Variants in HLCS observed in about 807,000 individuals in gnomAD.
HLCS encodes holocarboxylase synthetase.
Under a neutral mutation model 75.0 loss-of-function variants are expected in HLCS, and 53 were observed. That is an observed-to-expected ratio of 0.71 (90% CI 0.57 to 0.89). The LOEUF (loss-of-function observed/expected upper bound fraction) is 0.89. HLCS is among the 40% of genes least tolerant of loss of function. HLCS has a pLI of 0.00. For missense variants in HLCS, 966 were observed against 1,074.0 expected, an observed-to-expected ratio of 0.90 and a Z score of 1.41; for synonymous variants, 431 against 428.6, an observed-to-expected ratio of 1.01 and a Z score of -0.07.
rs1010404060 is a variant in HLCS at position 36,871,963 on chromosome 21, T to C, written c.1892+24897A>G. On this transcript the variant is annotated intron_variant, in intron 6 of 10. Coordinates refer to ENST00000674895, the MANE Select transcript of HLCS (RefSeq NM_001352514.2). ...TACAACTGCACACCCACCAGACCAG[T>C]TGAAAGTAAAAGACTGACCACACCA... Among the ~76,000 whole-genome samples the C allele has an allele frequency of 1.4e-4, 22 of 152,240 alleles. No homozygotes were observed. The South Asian group carries it at 2.3e-3, about 16-fold the overall frequency.
At position 36,937,154 on chromosome 21, in the gene HLCS, C is replaced by T; in HGVS notation, c.732G>A (p.Glu244=). The T allele has an allele frequency of 1.2e-6, 2 of 1,614,184 alleles. No individual in the cohort carries two copies. Among genetic ancestry groups the T allele is most frequent in the Non-Finnish European group, 1.7e-6 (2 of 1,180,036 alleles). ...GDSDRGGGPV[E]HYHLHLSSCH... ...AACTAGACAGATGGAGGTGATAATG[C>T]TCAACGGGGCCCCCTCCCCTGTCAC... The change falls in exon 4 of 11, where the codon GAG becomes GAA. Residue 244 remains glutamate (E), a synonymous_variant. Coordinates refer to ENST00000674895, the MANE Select transcript of HLCS (RefSeq NM_001352514.2).
intron 6 of HLCS, among the ~76,000 whole-genome samples, chr21:36,862,306 T>A (rs1159003162): frequency 6.6e-6 from 1 of 152,232 alleles, no homozygotes; most frequent in African/African-American, 2.4e-5. Context: ...TGGGTAGGTG[T>A]CTAGGAGCAG....
At chr21:36,838,330 C>CA (rs1480562550) in intron 6 of HLCS, among the ~76,000 whole-genome samples, 4,241 of 138,532 alleles carry the variant, frequency 0.031, 81 homozygotes, top group South Asian at 0.054. Context: ...ACACACACAC[C>CA]CCCACAACCA....
intron 2 of HLCS, among the ~76,000 whole-genome samples, chr21:36,955,119 A>C (rs996383175): frequency 6.6e-6 from 1 of 152,198 alleles, no homozygotes; most frequent in African/African-American, 2.4e-5. Context: ...TTCAGGAGCT[A>C]CTGTGGGGGA....
upstream of HLCS, among the ~76,000 whole-genome samples, chr21:36,969,199 T>A (rs1489266880): frequency 6.6e-6 from 1 of 152,072 alleles, no homozygotes; most frequent in Non-Finnish European, 1.5e-5. Context: ...ATGATTTCAT[T>A]TTGCAAAGGT....
chr21:36,906,377 T>A (rs1435255567), intron 5 of HLCS, among the ~76,000 whole-genome samples: 1 of 151,900 alleles, frequency 6.6e-6, no homozygotes, highest in Non-Finnish European at 1.5e-5. Flanking sequence ...AAAAGAGTTT[T>A]TCTTTAATTA....
At chr21:36,962,479 G>C (rs192127833) in intron 1 of HLCS, among the ~76,000 whole-genome samples, 2 of 152,078 alleles carry the variant, frequency 1.3e-5, no homozygotes, top group Non-Finnish European at 2.9e-5. Flanking sequence ...GTAGCTAACC[G>C]GGAAGTACAT....
chr21:36,844,640 T>A (rs531297260), intron 6 of HLCS, among the ~76,000 whole-genome samples: 9 of 152,004 alleles, frequency 5.9e-5, no homozygotes, highest in East Asian at 1.9e-4. Context: ...TCACTCACGG[T>A]CAGTGATTTA....
intron 6 of HLCS, among the ~76,000 whole-genome samples, chr21:36,860,257 G>A (rs1011521814): frequency 6.6e-6 from 1 of 152,048 alleles, no homozygotes; most frequent in Non-Finnish European, 1.5e-5. Context: ...CCTCCCCCAA[G>A]GTCAGCCAGC....
rs180952377 is a variant in HLCS, at chr21:36,791,290, C to T, written c.1893-24005G>A. On this transcript the variant is annotated intron_variant, in intron 6 of 10. Transcript: ENST00000674895. ...CACCCCTGCCGGAGCCGAGTACACA[C>T]CAACCCACACATCCAGGGCTCTGGG... Among the ~76,000 whole-genome samples the T allele has an allele frequency of 5.9e-5, 9 of 152,280 alleles. No individual in the cohort carries two copies. In the East Asian group the frequency reaches 1.7e-3, roughly 30 times the overall value.
At chr21:36,798,708 CTT>C (rs1208555907) in intron 6 of HLCS, among the ~76,000 whole-genome samples, 1 of 152,160 alleles carries the variant, frequency 6.6e-6, no homozygotes, top group African/African-American at 2.4e-5. Context: ...TATTGTCAGT[CTT>C]TTTTAAGTTC....
At chr21:36,786,714 G>A (rs1298341825) in intron 6 of HLCS, among the ~76,000 whole-genome samples, 2 of 152,228 alleles carry the variant, frequency 1.3e-5, no homozygotes, top group Non-Finnish European at 2.9e-5. Context: ...AAATGACAGA[G>A]TCAGTGGAGT....
chr21:36,935,530 A>C (rs1192836970), intron 4 of HLCS, among the ~76,000 whole-genome samples: 1 of 152,202 alleles, frequency 6.6e-6, no homozygotes, highest in African/African-American at 2.4e-5. Context: ...TCTCAATAAA[A>C]AGATCCCTAT....
intron 6 of HLCS, among the ~76,000 whole-genome samples, chr21:36,821,718 T>C (rs1190969084): frequency 1.3e-5 from 2 of 152,218 alleles, no homozygotes; most frequent in Non-Finnish European, 2.9e-5. Context: ...TTTCCGCATT[T>C]TGTCTGAATA....
intron 6 of HLCS, among the ~76,000 whole-genome samples, chr21:36,827,994 T>C (rs1354236161): frequency 1.3e-5 from 2 of 151,998 alleles, no homozygotes; most frequent in Non-Finnish European, 2.9e-5. Context: ...TTTGTATCTT[T>C]AGTAGAGATG....
chr21:36,781,698 T>C (rs1011336351), intron 6 of HLCS, among the ~76,000 whole-genome samples: 1 of 152,214 alleles, frequency 6.6e-6, no homozygotes, highest in Non-Finnish European at 1.5e-5. Context: ...ATACCTTTAA[T>C]TGACTTCTCT....
At chr21:36,827,760 CCCT>C (rs1466307972) in intron 6 of HLCS, among the ~76,000 whole-genome samples, 1 of 151,556 alleles carries the variant, frequency 6.6e-6, no homozygotes, top group Non-Finnish European at 1.5e-5. Flanking sequence ...AAATTATACC[CCCT>C]ATCCTTTTCG....
chr21:36,854,083 T>C (rs1271250893), intron 6 of HLCS, among the ~76,000 whole-genome samples: 4 of 152,210 alleles, frequency 2.6e-5, no homozygotes, highest in Non-Finnish European at 5.9e-5. Context: ...TAATGGATAA[T>C]GGCAGGCATC....
At chr21:36,764,260 GA>G (rs1440859554) in intron 8 of HLCS, among the ~76,000 whole-genome samples, 107 of 152,358 alleles carry the variant, frequency 7.0e-4, no homozygotes, top group African/African-American at 2.4e-3. Flanking sequence ...AGCTGTGTGT[GA>G]TGGTGCACAC....
Sources: gnomAD v4.1 joint callset for allele counts (sites outside exome capture counted in the v4.1 genomes callset) on GRCh38, gnomAD v4.1.1 for gene constraint, MANE v1.5 for transcripts, NCBI Gene and HGNC (gene_info 2026-07-23, HGNC 2026-07-21) for gene names.